Variants in FGD6 observed in about 807,000 individuals in gnomAD.
The protein encoded by FGD6 is FYVE, RhoGEF and PH domain containing 6, also known as FYVE, RhoGEF and PH domain-containing protein 6.
Under a neutral mutation model 149.4 loss-of-function variants are expected in FGD6, and 90 were observed. That is an observed-to-expected ratio of 0.60 (90% confidence interval 0.51 to 0.72). The LOEUF (loss-of-function observed/expected upper bound fraction) is 0.72. FGD6 is among the 30% of genes least tolerant of loss of function. FGD6 has a pLI of 0.00. For synonymous variants in FGD6, 527 were observed against 584.0 expected, an observed-to-expected ratio of 0.90 and a Z score of 1.41; for missense variants, 1,437 against 1,684.8, an observed-to-expected ratio of 0.85 and a Z score of 2.57.
rs1458461966 is a variant in FGD6, at chr12:95,077,075, A to C, written c.*4445T>G. 2 of 152,046 alleles carry C rather than the reference A, an allele frequency of 1.3e-5. No homozygotes were observed. Among genetic ancestry groups the C allele is most frequent in the African/African-American group, 4.8e-5 (2 of 41,436 alleles). 9.4% of individuals were successfully genotyped at this position (152,046 alleles called of 1,614,324 possible). ...TTAAAAAACCCTACTCAAAACAACT[A>C]TCTCTTATAAGGGAAAATATCATAG... is the stretch of plus-strand genomic sequence containing the variant. On this transcript the variant is annotated 3_prime_UTR_variant, in exon 21 of 21. Transcript: ENST00000343958.
chr12:95,165,630 G>A (rs1010282799), intron 3 of FGD6, among the ~76,000 whole-genome samples: 1 of 150,764 alleles, frequency 6.6e-6, no homozygotes, highest in Non-Finnish European at 1.5e-5. Flanking sequence ...GAGCCACCGC[G>A]CCCGGCCAAT....
rs3838814 is a variant in FGD6 at position 95,084,728 on chromosome 12, CTAATT to C, written c.4108-87_4108-83del. On this transcript the variant is annotated intron_variant, in intron 19 of 20. Coordinates refer to ENST00000343958, the MANE Select transcript of FGD6 (RefSeq NM_018351.4). ...TTGAAAACTCTTGATCTACATAGCT[CTAATT>C]TAATTTCAATTATTCACATATAAGG... 1.9e-4 allele frequency: 219 copies of C among 1,130,024 alleles called. No individual in the cohort carries two copies. The East Asian group carries it at 5.6e-3, about 29-fold the overall frequency. The allele number at this position is 1,130,024 out of a possible 1,614,324, so 70.0% of individuals were successfully genotyped here.
At chr12:95,165,966 T>G (rs1385570204) in intron 3 of FGD6, among the ~76,000 whole-genome samples, 3 of 150,772 alleles carry the variant, frequency 2.0e-5, no homozygotes, top group Non-Finnish European at 4.4e-5. Flanking sequence ...TTTTTCTGTT[T>G]TTTTTTTTTT....
chr12:95,142,390 G>A (rs1353069168), intron 5 of FGD6, among the ~76,000 whole-genome samples: 5 of 151,814 alleles, frequency 3.3e-5, no homozygotes, highest in East Asian at 1.9e-4. Context: ...TGATTCGCCC[G>A]CCTCAGCCTC....
chr12:95,152,172 A>C (rs1203366114), intron 5 of FGD6, among the ~76,000 whole-genome samples: 2 of 152,158 alleles, frequency 1.3e-5, no homozygotes, highest in East Asian at 3.9e-4. Context: ...CAAAAAATAC[A>C]AAATTTAGCT....
chr12:95,153,796 A>G (rs976583358), intron 3 of FGD6, among the ~76,000 whole-genome samples: 5 of 152,206 alleles, frequency 3.3e-5, no homozygotes, highest in African/African-American at 4.8e-5. Flanking sequence ...TCTTCAATCT[A>G]TAACAAATAT....
chr12:95,134,399 T>A (rs1879608020), intron 8 of FGD6, among the ~76,000 whole-genome samples: 1 of 152,110 alleles, frequency 6.6e-6, no homozygotes, highest in South Asian at 2.1e-4. Flanking sequence ...TCTCGAGTAG[T>A]TGGGGAACGT....
At chr12:95,154,293 A>T (rs1369472502) in intron 3 of FGD6, among the ~76,000 whole-genome samples, 1 of 152,088 alleles carries the variant, frequency 6.6e-6, no homozygotes, top group Non-Finnish European at 1.5e-5. Flanking sequence ...ACTTTGTATA[A>T]AAACTAAATG....
chr12:95,196,115 T>C (rs1881729995), intron 2 of FGD6, among the ~76,000 whole-genome samples: 1 of 152,058 alleles, frequency 6.6e-6, no homozygotes, highest in African/African-American at 2.4e-5. Context: ...AGCTAGACTC[T>C]GTCTACAAAA....
intron 3 of FGD6, among the ~76,000 whole-genome samples, chr12:95,166,166 G>A (rs1880807328): frequency 6.6e-6 from 1 of 151,006 alleles, no homozygotes; most frequent in Non-Finnish European, 1.5e-5. Flanking sequence ...CTCCTTCCTT[G>A]GCCTCCCAAA....
At chr12:95,131,243 G>A (rs1879512654) in intron 8 of FGD6, among the ~76,000 whole-genome samples, 1 of 151,714 alleles carries the variant, frequency 6.6e-6, no homozygotes, top group South Asian at 2.1e-4. Flanking sequence ...TGAGTAGCTG[G>A]GATTATGGGC....
At chr12:95,097,310 C>T (rs61938192) in intron 14 of FGD6, among the ~76,000 whole-genome samples, 15,860 of 152,054 alleles carry the variant, frequency 0.1, 1,210 homozygotes, top group African/African-American at 0.21. Flanking sequence ...AAGTAAGTAC[C>T]ACTTTCCCAA....
chr12:95,106,305 C>G (rs1279512151), intron 13 of FGD6, among the ~76,000 whole-genome samples: 2 of 143,696 alleles, frequency 1.4e-5, no homozygotes, highest in South Asian at 2.2e-4. Context: ...GAGTCTCACT[C>G]TGTTGCTCCA....
intron 5 of FGD6, among the ~76,000 whole-genome samples, chr12:95,146,410 A>G (rs1267434083): frequency 6.6e-6 from 1 of 152,254 alleles, no homozygotes; most frequent in East Asian, 1.9e-4. Context: ...ATCTAAATTC[A>G]CTAACACCTC....
intron 5 of FGD6, among the ~76,000 whole-genome samples, chr12:95,149,533 T>A (rs1880231295): frequency 7.2e-6 from 1 of 138,500 alleles, no homozygotes; most frequent in Middle Eastern, 3.3e-3. Context: ...TATATAGTAT[T>A]ATATATATAT....
chr12:95,115,739 C>T (rs1878988225), intron 8 of FGD6, among the ~76,000 whole-genome samples: 1 of 152,178 alleles, frequency 6.6e-6, no homozygotes, highest in Non-Finnish European at 1.5e-5. Flanking sequence ...GGATTTATGA[C>T]ATCATGCTCA....
At chr12:95,097,697 G>A (rs1878283940) in intron 14 of FGD6, among the ~76,000 whole-genome samples, 1 of 149,850 alleles carries the variant, frequency 6.7e-6, no homozygotes, top group Non-Finnish European at 1.5e-5. Flanking sequence ...ACTAACTGCA[G>A]GATGCTTCTC....
intron 14 of FGD6, among the ~76,000 whole-genome samples, chr12:95,098,831 A>G (rs888989772): frequency 2.0e-5 from 3 of 149,836 alleles, no homozygotes; most frequent in African/African-American, 7.4e-5. Flanking sequence ...GTCCTCCTCC[A>G]TGGAATGTCA....
rs761768759 is a variant in FGD6, at chr12:95,209,495, CTGT to C, written c.1786_1788del (p.Thr596del). 2 of 1,613,188 alleles carry C rather than the reference CTGT, an allele frequency of 1.2e-6. No homozygotes were observed. The highest frequency in any genetic ancestry group is 1.7e-6 in the Non-Finnish European group (2 of 1,179,666). On this transcript the variant is annotated inframe_deletion, in exon 2 of 21. Coordinates refer to ENST00000343958, the MANE Select transcript of FGD6 (RefSeq NM_018351.4). ...GATTTTGCTCTGGGCTTGGTTAGGG[CTGT>C]TGAAGGCTCACTGTTTGACGATACG...
Sources: gnomAD v4.1 joint callset for allele counts (sites outside exome capture counted in the v4.1 genomes callset) on GRCh38, gnomAD v4.1.1 for gene constraint, MANE v1.5 for transcripts, NCBI Gene and HGNC (gene_info 2026-07-23, HGNC 2026-07-21) for gene names.